The following ZNF469 variants were observed in gnomAD, a reference collection of about 807,000 sequenced individuals.
ZNF469 encodes zinc finger protein 469.
In ZNF469, 1 loss-of-function variant was observed where a neutral mutation model predicts 1.0. The observed-to-expected ratio is 1.00, with a 90% CI of 0.35 to 4.73. ZNF469 has a LOEUF of 4.73. Ranked by LOEUF, ZNF469 falls within the 30% of genes most tolerant of loss-of-function variation. ZNF469 has a pLI of 0.16. For synonymous variants in ZNF469, 2,703 were observed against 2,363.4 expected (o/e 1.14, Z -4.17); for missense variants, 6,100 against 5,356.3 (o/e 1.14, Z -4.33).
chr16:88,209,671 C>A, the ZNF469 span, among the ~76,000 whole-genome samples: 2 of 152,126 alleles, frequency 1.3e-5, no homozygotes, highest in Non-Finnish European at 2.9e-5. Context: ...TAGAGATAGT[C>A]TTTTACATTA....
At chr16:88,151,728 G>A in the ZNF469 span, among the ~76,000 whole-genome samples, 3 of 152,198 alleles carry the variant, frequency 2.0e-5, no homozygotes, top group East Asian at 1.9e-4. The surrounding 1 kb of genome is among the most constrained non-coding windows in gnomAD (Gnocchi z 5.4). Context: ...AACCCAACCT[G>A]CTGGTCGAGA....
chr16:88,247,617 T>C, the ZNF469 span, among the ~76,000 whole-genome samples: 39 of 79,538 alleles, frequency 4.9e-4, no homozygotes, highest in African/African-American at 2.6e-3. Flanking sequence ...AGTGAATGTT[T>C]GATTGAATGA....
At chr16:88,371,557 A>G in the ZNF469 span, among the ~76,000 whole-genome samples, 2 of 152,192 alleles carry the variant, frequency 1.3e-5, no homozygotes, top group Non-Finnish European at 2.9e-5. Context: ...GTAGAGGCAG[A>G]GCTCCACCCC....
In ZNF469 at chr16:88,423,762, G is replaced by C. The variant is rs564382482; in HGVS notation, c.-191-1045G>C. Among the ~76,000 whole-genome samples the C allele has an allele frequency of 3.0e-4, 46 of 152,300 alleles. No homozygotes were observed. The South Asian group carries it at 8.9e-3, about 30-fold the overall frequency. ...GTTCCTCACCTCATGGCCTCTCCAC[G>C]GGGCTGCTTGAGTGCCCGGAAAGCA... On this transcript the variant is annotated intron_variant, in intron 1 of 2. Transcript: ENST00000565624.
the ZNF469 span, among the ~76,000 whole-genome samples, chr16:88,256,196 G>C: frequency 6.6e-6 from 1 of 152,120 alleles, no homozygotes; most frequent in Non-Finnish European, 1.5e-5. Flanking sequence ...AATCCTCTCT[G>C]TCCTGCCTGT....
chr16:88,289,131 G>A, the ZNF469 span, among the ~76,000 whole-genome samples: 20 of 151,806 alleles, frequency 1.3e-4, no homozygotes, highest in Admixed American at 6.6e-5. Flanking sequence ...TGGTGATGAC[G>A]GTGGTGTTGA....
At chr16:88,110,989 T>A in the ZNF469 span, among the ~76,000 whole-genome samples, 2 of 152,248 alleles carry the variant, frequency 1.3e-5, no homozygotes, top group Non-Finnish European at 2.9e-5. Context: ...CCTTCACAGA[T>A]GAAGACGCTG....
At chr16:88,186,406 C>G in the ZNF469 span, among the ~76,000 whole-genome samples, 1 of 152,220 alleles carries the variant, frequency 6.6e-6, no homozygotes, top group Non-Finnish European at 1.5e-5. Flanking sequence ...TCCTTTCCAG[C>G]AGGCCAGGCC....
the ZNF469 span, among the ~76,000 whole-genome samples, chr16:88,198,388 G>T: frequency 4.3e-4 from 66 of 152,298 alleles, no homozygotes; most frequent in East Asian, 0.011. Flanking sequence ...CTCCTCCGGT[G>T]GGGGGCTGGG....
the ZNF469 span, among the ~76,000 whole-genome samples, chr16:88,203,867 AC>A: frequency 1.3e-5 from 2 of 152,146 alleles, no homozygotes; most frequent in Non-Finnish European, 2.9e-5. Context: ...CAACAAAGCG[AC>A]ACTCACACGG....
the ZNF469 span, among the ~76,000 whole-genome samples, chr16:88,333,142 G>A: frequency 2.0e-5 from 3 of 152,168 alleles, no homozygotes; most frequent in South Asian, 2.1e-4. Flanking sequence ...TGGGCAAAGC[G>A]AGTGTCCCCA....
chr16:88,193,183 ATGGTGG>A, the ZNF469 span, among the ~76,000 whole-genome samples: 3,426 of 9,562 alleles, frequency 0.36, 844 homozygotes, highest in Non-Finnish European at 0.42. Context: ...GATGGTGGTG[ATGGTGG>A]TGGTGGTGAT....
At chr16:88,279,544 G>C in the ZNF469 span, among the ~76,000 whole-genome samples, 20 of 144,330 alleles carry the variant, frequency 1.4e-4, no homozygotes, top group Non-Finnish European at 2.9e-4. Flanking sequence ...GTACCTTGTA[G>C]ATATCAGTGC....
Position 88,428,425 on chromosome 16 carries a change from G to A in ZNF469, c.955G>A (p.Gly319Ser), listed in dbSNP as rs953219008. The A allele has an allele frequency of 1.3e-5, 20 of 1,548,066 alleles. No homozygotes were observed. Among genetic ancestry groups the A allele is most frequent in the Non-Finnish European group, 1.7e-5 (20 of 1,146,818 alleles). ...PQGAWPEEAV[G>S]TGPAYPLPTQ... Reference sequence around the variant, plus strand: ...GGGAGCGTGGCCGGAGGAGGCCGTGGGCACGGGCCCTGCCTACCCGCTGCC... The same window carrying A: ...GGGAGCGTGGCCGGAGGAGGCCGTGAGCACGGGCCCTGCCTACCCGCTGCC... The change falls in exon 3 of 3, where the codon GGC (glycine) becomes AGC (serine). Residue 319 changes from glycine (G) to serine (S), a missense_variant. Gly to Ser is a moderately conservative substitution (Grantham distance 56). Transcript: ENST00000565624.
chr16:88,377,291 G>A, the ZNF469 span, among the ~76,000 whole-genome samples: 1 of 152,250 alleles, frequency 6.6e-6, no homozygotes, highest in Non-Finnish European at 1.5e-5. Context: ...CACAGAGGGT[G>A]GGCAAGGTGG....
At chr16:88,101,765 G>A in the ZNF469 span, among the ~76,000 whole-genome samples, 8 of 152,100 alleles carry the variant, frequency 5.3e-5, no homozygotes, top group East Asian at 5.8e-4. Context: ...CTGGCACTTC[G>A]GTGAGGTGTC....
At chr16:88,275,047 G>C in the ZNF469 span, among the ~76,000 whole-genome samples, 1 of 152,234 alleles carries the variant, frequency 6.6e-6, no homozygotes, top group South Asian at 2.1e-4. Flanking sequence ...TTTCCGGGAA[G>C]CCTGGGTGTC....
In ZNF469 at chr16:88,439,176, C is replaced by G; in HGVS notation, c.11706C>G (p.Leu3902=). The G allele has an allele frequency of 6.4e-7, 1 of 1,550,506 alleles. No individual in the cohort carries two copies. The highest frequency in any genetic ancestry group is 8.7e-7 in the Non-Finnish European group (1 of 1,146,984). Residue 3902 remains leucine, a synonymous_variant, in exon 3 of 3, where the codon CTC becomes CTG. Transcript: ENST00000565624. ...CCTTCCCCCAGGGGAGACCCCTGCT[C>G]AGGCCCCCCAAGAGGGGCACAGCTG... ...GKAFPQGRPL[L]RPPKRGTAVH...
At chr16:88,353,626 G>A in the ZNF469 span, among the ~76,000 whole-genome samples, 6 of 152,366 alleles carry the variant, frequency 3.9e-5, no homozygotes, top group South Asian at 2.1e-4. Flanking sequence ...GAGCATGCGC[G>A]CGTGTCGTGG....
Sources: allele counts gnomAD v4.1 joint callset (sites outside exome capture counted in the v4.1 genomes callset), GRCh38; gene constraint gnomAD v4.1.1; non-coding constraint Gnocchi (gnomAD v3.1); transcripts MANE v1.5; gene names NCBI Gene and HGNC (gene_info 2026-07-23, HGNC 2026-07-21).